Variants in CEP63 observed in about 807,000 individuals in gnomAD.
CEP63 encodes the protein centrosomal protein of 63 kDa.
Under a neutral mutation model 89.1 loss-of-function variants are expected in CEP63, and 84 were observed. That is an observed-to-expected ratio of 0.94 (90% CI 0.79 to 1.13). The LOEUF (loss-of-function observed/expected upper bound fraction) is 1.13. CEP63 is among the 50% of genes most tolerant of loss of function. The pLI is 0.00. For synonymous variants in CEP63, 267 were observed against 272.5 expected (o/e 0.98, Z 0.20); for missense variants, 838 against 813.3 (o/e 1.03, Z -0.37).
At chr3:134,608,934 G>T in the CEP63 span, 25 of 1,405,204 alleles carry the variant, frequency 1.8e-5, no homozygotes, top group Non-Finnish European at 2.3e-5. Context: ...CACCCTGGAT[G>T]GGAAGAGGCA....
chr3:134,699,192 G>A, the CEP63 span, among the ~76,000 whole-genome samples: 52 of 152,330 alleles, frequency 3.4e-4, 3 homozygotes, highest in African/African-American at 1.1e-3. Context: ...CCTGTGCCTA[G>A]CACCATTTTA....
chr3:134,549,193 C>T lies in CEP63; in HGVS notation c.1182+17C>T. 6.9e-7 allele frequency: 1 copy of T among 1,453,450 alleles called. No homozygotes were observed. The highest frequency in any genetic ancestry group is 1.7e-4 in the Middle Eastern group (1 of 5,784). The allele number at this position is 1,453,450 out of a possible 1,614,324, so 90.0% of individuals were successfully genotyped here. On this transcript the variant is annotated intron_variant, in intron 10 of 14. Coordinates refer to ENST00000675561, the MANE Select transcript of CEP63 (RefSeq NM_001353108.3). ...ATTAAGAAGGTAAAAATCTGCATACCTAGGATTGCAAAATTGTATGTGTTT... is the reference window on the plus strand; with the variant it reads ...ATTAAGAAGGTAAAAATCTGCATACTTAGGATTGCAAAATTGTATGTGTTT...
At chr3:134,530,104 A>G (rs1260372266) in intron 3 of CEP63, among the ~76,000 whole-genome samples, 1 of 151,194 alleles carries the variant, frequency 6.6e-6, no homozygotes, top group Non-Finnish European at 1.5e-5. Context: ...TGAGCTCCTG[A>G]CCTCGTGATC....
the CEP63 span, among the ~76,000 whole-genome samples, chr3:134,650,477 G>A: frequency 6.6e-6 from 1 of 152,130 alleles, no homozygotes. Context: ...CTACCCATGA[G>A]TCAGCCCTGA....
At chr3:134,760,593 A>G in the CEP63 span, among the ~76,000 whole-genome samples, 314 of 152,282 alleles carry the variant, frequency 2.1e-3, no homozygotes, top group Non-Finnish European at 3.8e-3. Context: ...AGCAATTCCT[A>G]TGTGTCCCCC....
the CEP63 span, among the ~76,000 whole-genome samples, chr3:134,646,338 G>A: frequency 2.0e-5 from 3 of 152,142 alleles, no homozygotes; most frequent in African/African-American, 7.2e-5. Context: ...GGGTGGGGAT[G>A]GGGAGTGTGT....
intron 3 of CEP63, among the ~76,000 whole-genome samples, chr3:134,526,322 A>C (rs1348963265): frequency 6.6e-6 from 1 of 151,888 alleles, no homozygotes; most frequent in East Asian, 1.9e-4. Context: ...TTTGTCTGTC[A>C]GTGACTGTCT....
chr3:134,537,316 C>A (rs372902416), intron 6 of CEP63, 48 bp downstream of exon 6: 1 of 1,200,050 alleles, frequency 8.3e-7, no homozygotes, highest in Non-Finnish European at 1.2e-6. Flanking sequence ...AGGTTTTGAT[C>A]AAGTTTGAAC....
chr3:134,598,538 G>C, the CEP63 span, among the ~76,000 whole-genome samples: 1 of 152,142 alleles, frequency 6.6e-6, no homozygotes, highest in African/African-American at 2.4e-5. Flanking sequence ...ACAGTAATAG[G>C]GCCGGGAGGC....
intron 3 of CEP63, among the ~76,000 whole-genome samples, chr3:134,525,215 G>T (rs768397086): frequency 1.9e-4 from 29 of 152,074 alleles, no homozygotes; most frequent in Non-Finnish European, 3.2e-4. Context: ...TTTCTGTGGG[G>T]TTAGGGGTGA....
chr3:134,637,451 A>G, the CEP63 span, among the ~76,000 whole-genome samples: 3 of 152,196 alleles, frequency 2.0e-5, no homozygotes, highest in Non-Finnish European at 4.4e-5. Context: ...CTCCCCTCTC[A>G]TAGGTCACAA....
chr3:134,610,428 T>C, the CEP63 span: 4 of 1,555,294 alleles, frequency 2.6e-6, no homozygotes, highest in Non-Finnish European at 3.5e-6. Flanking sequence ...CCGCTGTGGC[T>C]TGCCTCCAAG....
chr3:134,605,565 G>T, the CEP63 span, among the ~76,000 whole-genome samples: 1 of 152,276 alleles, frequency 6.6e-6, no homozygotes, highest in Middle Eastern at 3.4e-3. Context: ...TGGGGAGGCT[G>T]CTTAGACAGC....
the CEP63 span, among the ~76,000 whole-genome samples, chr3:134,639,023 A>G: frequency 7.1e-5 from 10 of 141,838 alleles, 1 homozygote; most frequent in South Asian, 4.5e-4. Flanking sequence ...AACTTTTTCT[A>G]TAACAGGTTG....
the CEP63 span, among the ~76,000 whole-genome samples, chr3:134,757,997 T>C: frequency 1.3e-5 from 2 of 152,158 alleles, no homozygotes; most frequent in South Asian, 4.1e-4. Flanking sequence ...AACCACAAAG[T>C]GTTTATCAGA....
chr3:134,680,744 G>A, the CEP63 span, among the ~76,000 whole-genome samples: 3 of 152,246 alleles, frequency 2.0e-5, no homozygotes, highest in East Asian at 1.9e-4. Context: ...GTTCCTTATC[G>A]AGCTAGTGGC....
the CEP63 span, among the ~76,000 whole-genome samples, chr3:134,740,788 C>T: frequency 1.3e-5 from 2 of 152,214 alleles, no homozygotes; most frequent in South Asian, 2.1e-4. Flanking sequence ...TCCCTCCAAG[C>T]TGACTCTCCT....
intron 3 of CEP63, among the ~76,000 whole-genome samples, chr3:134,529,375 C>G (rs1949401620): frequency 7.4e-6 from 1 of 134,584 alleles, no homozygotes; most frequent in South Asian, 2.4e-4. Context: ...GAGTCTCACT[C>G]TGTTGCCCAG....
chr3:134,536,811 A>G (rs1950855357), intron 5 of CEP63: 1 of 329,300 alleles, frequency 3.0e-6, no homozygotes, highest in Admixed American at 4.2e-5. Flanking sequence ...AATTTTAGTT[A>G]TCTTAGCATC....
Sources: gnomAD v4.1 joint callset for allele counts (sites outside exome capture counted in the v4.1 genomes callset) on GRCh38, gnomAD v4.1.1 for gene constraint, MANE v1.5 for transcripts, NCBI Gene and HGNC (gene_info 2026-07-23, HGNC 2026-07-21) for gene names.